The following ASPH variants were observed in gnomAD, a reference collection of about 807,000 sequenced individuals.
The protein encoded by ASPH is aspartyl/asparaginyl beta-hydroxylase.
A neutral mutation model predicts 118.4 loss-of-function variants in ASPH; 100 were observed. The observed-to-expected ratio is 0.84, with a 90% CI of 0.72 to 1.00. The LOEUF (loss-of-function observed/expected upper bound fraction) is 1.00. ASPH is among the 50% of genes least tolerant of loss of function. The pLI, the probability that ASPH is intolerant of heterozygous loss-of-function variation, is 0.00. For synonymous variants in ASPH, 315 were observed against 325.6 expected (o/e 0.97, Z 0.35); for missense variants, 920 against 919.5 (o/e 1.00, Z -0.01).
chr8:61,591,133 C>T (rs552399090), intron 14 of ASPH, among the ~76,000 whole-genome samples: 57 of 152,328 alleles, frequency 3.7e-4, no homozygotes, highest in African/African-American at 1.2e-3. Flanking sequence ...CAGCATTTGG[C>T]ATATGGCCTG....
intron 21 of ASPH, among the ~76,000 whole-genome samples, chr8:61,543,675 C>T (rs1371150812): frequency 3.3e-5 from 5 of 152,144 alleles, no homozygotes; most frequent in Non-Finnish European, 5.9e-5. Flanking sequence ...ATATACTTTC[C>T]TATTTCTTTG....
At chr8:61,515,276 C>T (rs755099628) in intron 24 of ASPH, among the ~76,000 whole-genome samples, 1 of 152,170 alleles carries the variant, frequency 6.6e-6, no homozygotes, top group Non-Finnish European at 1.5e-5. Flanking sequence ...TCCTTGCATC[C>T]TCCAATGTGT....
intron 22 of ASPH, among the ~76,000 whole-genome samples, chr8:61,525,210 C>T (rs1164060048): frequency 6.6e-6 from 1 of 152,152 alleles, no homozygotes; most frequent in African/African-American, 2.4e-5. Flanking sequence ...GCAGCACGTG[C>T]TGTTTAGTCT....
chr8:61,524,114 T>C (rs1333532821), intron 22 of ASPH, among the ~76,000 whole-genome samples: 1 of 152,174 alleles, frequency 6.6e-6, no homozygotes, highest in Non-Finnish European at 1.5e-5. Context: ...CTACAACAGA[T>C]TGGAAAACAC....
chr8:61,702,027 A>G (rs1460450695), intron 1 of ASPH, among the ~76,000 whole-genome samples: 1 of 152,218 alleles, frequency 6.6e-6, no homozygotes, highest in Non-Finnish European at 1.5e-5. Flanking sequence ...CACTAAAACC[A>G]TACACAACTT....
intron 24 of ASPH, among the ~76,000 whole-genome samples, chr8:61,510,776 C>T (rs115618592): frequency 0.011 from 1,631 of 152,256 alleles, 24 homozygotes; most frequent in African/African-American, 0.038. Context: ...CAACAACAAA[C>T]CTTCAGGAAA....
chr8:61,508,298 G>T (rs527869647), intron 24 of ASPH, among the ~76,000 whole-genome samples: 1 of 152,214 alleles, frequency 6.6e-6, no homozygotes, highest in Admixed American at 6.5e-5. Flanking sequence ...TTACAGGTGT[G>T]AGCCACTGTT....
At chr8:61,657,978 C>G (rs1270836505) in intron 3 of ASPH, 2 of 152,150 alleles carry the variant, frequency 1.3e-5, no homozygotes, top group Admixed American at 1.3e-4. Context: ...GTTATCTGTG[C>G]TCAGGGTGAG....
rs563587252 is a variant in ASPH at position 61,606,150 on chromosome 8, T to C, written c.976+12828A>G. On this transcript the variant is annotated intron_variant, in intron 14 of 24. Transcript: ENST00000379454. The stretch of plus-strand genomic sequence containing the variant: ...GCACATGTATGCTCACAGCAGCAGT[T>C]AAAAGGCAAAGACGCAGTATGAATC... Among the ~76,000 whole-genome samples, 3 of 152,274 alleles carry C rather than the reference T, an allele frequency of 2.0e-5. No homozygotes were observed. The South Asian group carries it at 6.2e-4, about 32-fold the overall frequency.
intron 14 of ASPH, among the ~76,000 whole-genome samples, chr8:61,605,259 T>A (rs1029745668): frequency 1.3e-5 from 2 of 152,222 alleles, no homozygotes; most frequent in African/African-American, 4.8e-5. Context: ...ACAAGCAATA[T>A]CAGATTACTC....
intron 15 of ASPH, among the ~76,000 whole-genome samples, chr8:61,577,454 T>C (rs772061375): frequency 7.6e-6 from 1 of 132,398 alleles, no homozygotes; most frequent in Non-Finnish European, 1.6e-5. Flanking sequence ...ATGTAATATG[T>C]GGTTTTGCTA....
chr8:61,566,404 A>C (rs992556430), intron 17 of ASPH, among the ~76,000 whole-genome samples: 2 of 152,234 alleles, frequency 1.3e-5, no homozygotes. Context: ...AGATGAGCAA[A>C]GAAAGTGGTT....
At chr8:61,624,840 T>C (rs1852167487) in intron 13 of ASPH, 1 of 985,444 alleles carries the variant, frequency 1.0e-6, no homozygotes, top group Non-Finnish European at 1.2e-6. Context: ...AAATGAAGAG[T>C]TTTATTATAA....
intron 24 of ASPH, among the ~76,000 whole-genome samples, chr8:61,511,900 G>A (rs774368806): frequency 4.6e-5 from 7 of 152,050 alleles, no homozygotes; most frequent in South Asian, 2.1e-4. Flanking sequence ...CACCACACCC[G>A]GCTCTAACGA....
At chr8:61,555,009 T>G (rs1827354719) in intron 19 of ASPH, among the ~76,000 whole-genome samples, 1 of 152,140 alleles carries the variant, frequency 6.6e-6, no homozygotes, top group African/African-American at 2.4e-5. Context: ...CCACTGCACC[T>G]GGCCCACAGC....
chr8:61,637,986 C>T lies in ASPH; in HGVS notation c.850G>A (p.Glu284Lys). 1 of 1,608,940 alleles carries T rather than the reference C, an allele frequency of 6.2e-7. No individual in the cohort carries two copies. The highest frequency in any genetic ancestry group is 1.7e-5 in the Admixed American group (1 of 58,908). The change falls in exon 12 of 25, where the codon GAG becomes AAG. Residue 284 changes from glutamate (E) to lysine (K), a missense_variant. Physicochemically the swap from Glu to Lys is moderately conservative, Grantham distance 56. Transcript: ENST00000379454. ...TGTGAATCTTCTACAGGATTATCCT[C>T]AGGGGGAGCAGTTACTTCTAAAATA... is the stretch of plus-strand genomic sequence containing the variant. ...IEITEVTAPP[E>K]DNPVEDSQVI...
chr8:61,673,502 C>T (rs542610027), intron 3 of ASPH, among the ~76,000 whole-genome samples: 12 of 152,264 alleles, frequency 7.9e-5, no homozygotes, highest in Non-Finnish European at 1.6e-4. Context: ...TATCTCAACA[C>T]GAAGCCTGTT....
chr8:61,661,594 T>A lies in ASPH; in HGVS notation c.323-7934A>T, dbSNP rs2151285040. 3 of 192,046 alleles carry A rather than the reference T, an allele frequency of 1.6e-5. No individual in the cohort carries two copies. The Admixed American group carries it at 1.8e-4, about 12-fold the overall frequency. 11.9% of individuals were successfully genotyped at this position (192,046 alleles called of 1,614,324 possible). A position where few individuals can be genotyped will look rare whatever the true frequency, so the allele number is the denominator to read the frequency against. On this transcript the variant is annotated intron_variant, in intron 3 of 24. Coordinates refer to ENST00000379454, the MANE Select transcript of ASPH (RefSeq NM_004318.4). ...TCAATGTCAGGAGATAGAGCCTAAGTCACCAGATCCATTTCATGGACAGTA... is the reference window on the plus strand; with the variant it reads ...TCAATGTCAGGAGATAGAGCCTAAGACACCAGATCCATTTCATGGACAGTA...
intron 22 of ASPH, among the ~76,000 whole-genome samples, chr8:61,519,323 A>G (rs1171735176): frequency 6.6e-6 from 1 of 152,202 alleles, no homozygotes; most frequent in African/African-American, 2.4e-5. Flanking sequence ...ATTTTAAAAA[A>G]TATTTCCAGG....
Sources: allele counts gnomAD v4.1 joint callset (sites outside exome capture counted in the v4.1 genomes callset), GRCh38; gene constraint gnomAD v4.1.1; transcripts MANE v1.5; gene names NCBI Gene and HGNC (gene_info 2026-07-23, HGNC 2026-07-21).